Variants in ADGRL3 observed in about 807,000 individuals in gnomAD.
The protein encoded by ADGRL3 is calcium-independent alpha-latrotoxin receptor 3.
ADGRL3 carries 62 observed loss-of-function variants against 153.5 expected under a neutral mutation model. The observed-to-expected ratio is 0.40, with a 90% confidence interval of 0.33 to 0.50. The LOEUF (loss-of-function observed/expected upper bound fraction) is 0.50. Ranked by LOEUF, ADGRL3 falls within the 20% of genes least tolerant of loss-of-function variation. ADGRL3 has a pLI of 0.47. For missense variants in ADGRL3, 1,641 were observed against 1,859.4 expected (o/e 0.88, Z 2.16); for synonymous variants, 710 against 672.5 (o/e 1.06, Z -0.86).
At chr4:61,657,374 A>G (rs933873397) in intron 5 of ADGRL3, among the ~76,000 whole-genome samples, 4 of 152,106 alleles carry the variant, frequency 2.6e-5, no homozygotes, top group Non-Finnish European at 5.9e-5. Flanking sequence ...AGATACATAG[A>G]TATACATATA....
intron 4 of ADGRL3, among the ~76,000 whole-genome samples, chr4:61,553,319 G>C (rs189074415): frequency 1.3e-5 from 2 of 152,104 alleles, no homozygotes; most frequent in African/African-American, 4.8e-5. Context: ...ATATAACTGA[G>C]ATAAAAAATA....
chr4:62,048,628 C>T (rs1389039201), intron 25 of ADGRL3, among the ~76,000 whole-genome samples: 1 of 152,074 alleles, frequency 6.6e-6, no homozygotes, highest in Non-Finnish European at 1.5e-5. Flanking sequence ...ATGATCATAG[C>T]TCAGTGAAGC....
chr4:61,675,361 G>A (rs1207618342), intron 5 of ADGRL3, among the ~76,000 whole-genome samples: 1 of 151,752 alleles, frequency 6.6e-6, no homozygotes, highest in Non-Finnish European at 1.5e-5. Context: ...GATAATTAGA[G>A]TATCTCATAT....
At chr4:61,921,854 G>A (rs2098771086) in intron 13 of ADGRL3, among the ~76,000 whole-genome samples, 1 of 152,108 alleles carries the variant, frequency 6.6e-6, no homozygotes, top group Non-Finnish European at 1.5e-5. Flanking sequence ...ACTTGTGGCC[G>A]ACCCACACAA....
At chr4:61,577,326 C>A (rs2149229830) in intron 4 of ADGRL3, among the ~76,000 whole-genome samples, 1 of 151,970 alleles carries the variant, frequency 6.6e-6, no homozygotes, top group African/African-American at 2.4e-5. Context: ...TAACTCCTTT[C>A]CTTCAAAATT....
chr4:61,584,082 C>CT (rs201198380), intron 4 of ADGRL3, among the ~76,000 whole-genome samples: 42 of 150,928 alleles, frequency 2.8e-4, no homozygotes, highest in Middle Eastern at 3.4e-3. Context: ...TAACAAAAAC[C>CT]TTTTTTTTTC....
rs2092915642 is a variant in ADGRL3 at position 61,627,672 on chromosome 4, GC to G, written c.473+40234del. Among the ~76,000 whole-genome samples, 5 of 151,864 alleles carry G rather than the reference GC, an allele frequency of 3.3e-5. No homozygotes were observed. The South Asian group carries it at 1.0e-3, about 32-fold the overall frequency. On this transcript the variant is annotated intron_variant, in intron 5 of 26. Transcript: ENST00000683033. ...ACAAACAAACAAAAAAGTAAATAGTGCCTTTCAGTATATTGGAATTACAAAA... is the reference window on the plus strand; with the variant it reads ...ACAAACAAACAAAAAAGTAAATAGTGCTTTCAGTATATTGGAATTACAAAA...
At chr4:61,563,702 G>T (rs961959527) in intron 4 of ADGRL3, among the ~76,000 whole-genome samples, 1 of 152,180 alleles carries the variant, frequency 6.6e-6, no homozygotes, top group Admixed American at 6.5e-5. Flanking sequence ...ATGCTATGGA[G>T]ATTACTTCTT....
At chr4:61,339,244 T>TA (rs2095752421) in intron 1 of ADGRL3, among the ~76,000 whole-genome samples, 1 of 152,170 alleles carries the variant, frequency 6.6e-6, no homozygotes, top group South Asian at 2.1e-4. Context: ...AACAACCCCG[T>TA]AACACAATGC....
At chr4:61,272,016 T>C (rs1249213601) in intron 1 of ADGRL3, among the ~76,000 whole-genome samples, 1 of 152,160 alleles carries the variant, frequency 6.6e-6, no homozygotes, top group East Asian at 1.9e-4. Flanking sequence ...ACATTGTTTT[T>C]TAAGTGTTTG....
chr4:61,874,721 C>G (rs1033157174), intron 9 of ADGRL3, among the ~76,000 whole-genome samples: 1 of 150,508 alleles, frequency 6.6e-6, no homozygotes, highest in Non-Finnish European at 1.5e-5. Flanking sequence ...GACCACAGAA[C>G]CCCCTCACGT....
At chr4:61,583,939 A>C (rs758939795) in intron 4 of ADGRL3, among the ~76,000 whole-genome samples, 4 of 152,034 alleles carry the variant, frequency 2.6e-5, no homozygotes, top group Non-Finnish European at 4.4e-5. Flanking sequence ...TTAACCTGGC[A>C]CAACATGCAG....
At chr4:61,645,660 T>TA (rs2093942118) in intron 5 of ADGRL3, among the ~76,000 whole-genome samples, 1 of 152,220 alleles carries the variant, frequency 6.6e-6, no homozygotes, top group African/African-American at 2.4e-5. Context: ...GATCCACTGT[T>TA]AGTCTGATGG....
chr4:61,264,479 A>G lies in ADGRL3; in HGVS notation c.-240+62714A>G, dbSNP rs4860403. Among the ~76,000 whole-genome samples, 927 of 152,134 alleles carry G rather than the reference A, an allele frequency of 6.1e-3. 9 individuals are homozygous for G. Among genetic ancestry groups the G allele is most frequent in the Middle Eastern group, 0.044 (13 of 294 alleles). ...GTTTTTGACATATAGTAAGTGTATG[A>G]GGGCTGCTCCTTCTTTCTAAATCAC... On this transcript the variant is annotated intron_variant, in intron 1 of 26. Coordinates refer to ENST00000683033, the MANE Select transcript of ADGRL3 (RefSeq NM_001387552.1).
At chr4:61,308,701 G>A (rs2094892132) in intron 1 of ADGRL3, among the ~76,000 whole-genome samples, 1 of 152,170 alleles carries the variant, frequency 6.6e-6, no homozygotes, top group East Asian at 1.9e-4. Flanking sequence ...GATTAATGGA[G>A]TCATAAAGTA....
chr4:61,445,569 G>A (rs927964079), intron 2 of ADGRL3, among the ~76,000 whole-genome samples: 2 of 152,154 alleles, frequency 1.3e-5, no homozygotes, highest in African/African-American at 2.4e-5. Flanking sequence ...AATGGAGCAG[G>A]TTAGTTAAAG....
At position 61,893,122 on chromosome 4, in the gene ADGRL3, T is replaced by C. The variant is rs2098601379; in HGVS notation, c.1783+164T>C. On this transcript the variant is annotated intron_variant, in intron 10 of 26. Transcript: ENST00000683033. ...TTCCTTCCTTCCTTCTTTCTTTCTCTCTTTCTCTCTTTCTTTCTTCTTTCT... is the reference window on the plus strand; with the variant it reads ...TTCCTTCCTTCCTTCTTTCTTTCTCCCTTTCTCTCTTTCTTTCTTCTTTCT... 2.0e-5 allele frequency among the ~76,000 whole-genome samples: 3 copies of C among 148,710 alleles called. No individual in the cohort carries two copies. In the South Asian group the frequency reaches 6.7e-4, roughly 33 times the overall value.
At chr4:61,641,519 G>C (rs200311739) in intron 5 of ADGRL3, among the ~76,000 whole-genome samples, 3,502 of 145,430 alleles carry the variant, frequency 0.024, 110 homozygotes, top group East Asian at 0.18. Flanking sequence ...TCCCACCTAT[G>C]AGTGAGAATA....
At chr4:61,778,259 ACT>A (rs1417354399) in intron 8 of ADGRL3, among the ~76,000 whole-genome samples, 1 of 152,144 alleles carries the variant, frequency 6.6e-6, no homozygotes, top group Non-Finnish European at 1.5e-5. Flanking sequence ...ACTATTCCAA[ACT>A]CTGGAAAAAT....
Sources: gnomAD v4.1 joint callset for allele counts (sites outside exome capture counted in the v4.1 genomes callset) on GRCh38, gnomAD v4.1.1 for gene constraint, MANE v1.5 for transcripts, NCBI Gene and HGNC (gene_info 2026-07-23, HGNC 2026-07-21) for gene names.